ITGA9: variants seen among roughly 807,000 people sequenced by gnomAD.
ITGA9 encodes integrin subunit alpha 9.
A neutral mutation model predicts 127.8 loss-of-function variants in ITGA9; 56 were observed. That is an observed-to-expected ratio of 0.44 (90% CI 0.35 to 0.55). The LOEUF (loss-of-function observed/expected upper bound fraction) is 0.55, where lower values mean the gene tolerates loss of function less well. Among genes scored for constraint, ITGA9 ranks in the 20% least tolerant of loss-of-function variants. ITGA9 has a pLI of 0.00. For synonymous variants in ITGA9, 508 were observed against 514.5 expected (o/e 0.99, Z 0.17); for missense variants, 1,196 against 1,347.1 (o/e 0.89, Z 1.76).
chr3:37,515,517 C>T (rs1698975372), intron 9 of ITGA9, among the ~76,000 whole-genome samples: 1 of 152,136 alleles, frequency 6.6e-6, no homozygotes, highest in South Asian at 2.1e-4. Context: ...GTGGGAGGAT[C>T]ACTTGAAGCC....
intron 18 of ITGA9, among the ~76,000 whole-genome samples, chr3:37,710,444 C>T (rs1040552479): frequency 1.3e-5 from 2 of 151,964 alleles, no homozygotes; most frequent in Admixed American, 6.6e-5. Flanking sequence ...AAGATAACGT[C>T]GGAGGATGAA....
At chr3:37,601,885 G>A (rs1040935102) in intron 15 of ITGA9, among the ~76,000 whole-genome samples, 5 of 152,184 alleles carry the variant, frequency 3.3e-5, no homozygotes, top group Non-Finnish European at 7.3e-5. Flanking sequence ...CCAGGCATCC[G>A]CTTTGGGTGA....
At position 37,784,934 on chromosome 3, in the gene ITGA9, T is replaced by G. The variant is rs373377446; in HGVS notation, c.2788-43T>G. 6.6e-6 allele frequency: 10 copies of G among 1,517,352 alleles called. No homozygotes were observed. In the African/African-American group the frequency reaches 9.6e-5, roughly 15 times the overall value. 94.0% of individuals were successfully genotyped at this position (1,517,352 alleles called of 1,614,324 possible). A position where few individuals can be genotyped will look rare whatever the true frequency, so the allele number is the denominator to read the frequency against. On this transcript the variant is annotated intron_variant, in intron 25 of 27. Coordinates refer to ENST00000264741, the MANE Select transcript of ITGA9 (RefSeq NM_002207.3). ...AGTCCCTCTCAAGGCCCAGCCATTA[T>G]CATAGAAAAATCTTCAAGTAAGTTG... is the stretch of plus-strand genomic sequence containing the variant.
chr3:37,610,263 C>A (rs1289562699), intron 15 of ITGA9, among the ~76,000 whole-genome samples: 1 of 152,118 alleles, frequency 6.6e-6, no homozygotes, highest in South Asian at 2.1e-4. Flanking sequence ...TTGTATTTAC[C>A]CCAGAGGAAG....
chr3:37,622,825 A>C (rs1700140365), intron 15 of ITGA9, among the ~76,000 whole-genome samples: 3 of 151,100 alleles, frequency 2.0e-5, no homozygotes, highest in African/African-American at 4.9e-5. Context: ...ACAGAGTGAA[A>C]CTCTGTCAAA....
chr3:37,540,546 G>A (rs1248300804), intron 14 of ITGA9, among the ~76,000 whole-genome samples: 1 of 152,246 alleles, frequency 6.6e-6, no homozygotes, highest in South Asian at 2.1e-4. Context: ...GCAAGAACAA[G>A]TGTGGTGGGA....
At chr3:37,658,857 G>A (rs754484941) in intron 17 of ITGA9, among the ~76,000 whole-genome samples, 12 of 152,024 alleles carry the variant, frequency 7.9e-5, no homozygotes, top group South Asian at 2.1e-4. Context: ...TGCTTCCTTC[G>A]GGAGCTCTTG....
At chr3:37,751,069 G>A (rs1696579982) in intron 23 of ITGA9, among the ~76,000 whole-genome samples, 1 of 152,242 alleles carries the variant, frequency 6.6e-6, no homozygotes, top group Non-Finnish European at 1.5e-5. Context: ...GAGTTGAAGA[G>A]GACACAGCCC....
chr3:37,600,495 C>G (rs565586670), intron 15 of ITGA9, among the ~76,000 whole-genome samples: 10 of 152,184 alleles, frequency 6.6e-5, no homozygotes, highest in African/African-American at 1.2e-4. Context: ...CAAGCAGGCC[C>G]GGAGAAGGAA....
chr3:37,657,624 CAAAAA>C (rs139406617), intron 17 of ITGA9, among the ~76,000 whole-genome samples: 1 of 141,250 alleles, frequency 7.1e-6, no homozygotes, highest in Non-Finnish European at 1.5e-5. Flanking sequence ...TTGATCTTTT[CAAAAA>C]AAAAAACCAG....
chr3:37,536,163 G>A (rs1308252395), intron 14 of ITGA9, among the ~76,000 whole-genome samples: 1 of 152,230 alleles, frequency 6.6e-6, no homozygotes, highest in Non-Finnish European at 1.5e-5. Context: ...GCTCAGCAGA[G>A]GGTGCTGGCC....
intron 20 of ITGA9, among the ~76,000 whole-genome samples, chr3:37,737,525 C>G (rs1696377799): frequency 6.6e-6 from 1 of 152,216 alleles, no homozygotes; most frequent in African/African-American, 2.4e-5. Flanking sequence ...GTGGCAGCTT[C>G]TCCCCTCAGT....
chr3:37,728,844 G>A (rs1696249692), intron 18 of ITGA9, among the ~76,000 whole-genome samples: 1 of 151,668 alleles, frequency 6.6e-6, no homozygotes, highest in African/African-American at 2.4e-5. Context: ...GGGATTTATT[G>A]GGGCAAGAGG....
chr3:37,789,992 G>A (rs1160096134), intron 26 of ITGA9: 10 of 591,922 alleles, frequency 1.7e-5, no homozygotes, highest in Non-Finnish European at 2.7e-5. Flanking sequence ...TATTTAAGAA[G>A]GGAATTCACA....
At chr3:37,604,786 T>C (rs1001539983) in intron 15 of ITGA9, among the ~76,000 whole-genome samples, 8 of 152,198 alleles carry the variant, frequency 5.3e-5, no homozygotes, top group African/African-American at 1.4e-4. Context: ...ATTAATAGTT[T>C]CAGAAAGTTG....
At chr3:37,762,033 G>A (rs1348436017) in intron 23 of ITGA9, among the ~76,000 whole-genome samples, 2 of 152,242 alleles carry the variant, frequency 1.3e-5, no homozygotes, top group African/African-American at 4.8e-5. Context: ...CCTTGGGGCT[G>A]TGTTACCTAT....
chr3:37,778,884 T>G (rs376804246), intron 24 of ITGA9, among the ~76,000 whole-genome samples: 3,060 of 149,642 alleles, frequency 0.02, 44 homozygotes, highest in Middle Eastern at 0.038. Flanking sequence ...TTTTTTTTTT[T>G]TTTTTTTTTT....
rs144260393 is a variant in ITGA9 at position 37,622,988 on chromosome 3, T to C, written c.1690-6199T>C. On this transcript the variant is annotated intron_variant, in intron 15 of 27. Transcript: ENST00000264741. Reference sequence around the variant, plus strand: ...TGCACTGTGTCCTGTATGTCTGTTATGTTTATTTCTGAATTTTCCTTCCTT... The same window carrying C: ...TGCACTGTGTCCTGTATGTCTGTTACGTTTATTTCTGAATTTTCCTTCCTT... Among the ~76,000 whole-genome samples, 137 of 152,346 alleles carry C rather than the reference T, an allele frequency of 9.0e-4. 2 individuals are homozygous for C. The highest frequency in any genetic ancestry group is 2.9e-3 in the African/African-American group (122 of 41,580).
intron 26 of ITGA9, among the ~76,000 whole-genome samples, chr3:37,801,680 C>CA (rs932556905): frequency 5.3e-5 from 8 of 151,748 alleles, no homozygotes; most frequent in East Asian, 1.9e-4. Context: ...TGCACAACCT[C>CA]AAAAAAAACT....
Sources: allele counts gnomAD v4.1 joint callset (sites outside exome capture counted in the v4.1 genomes callset), GRCh38; gene constraint gnomAD v4.1.1; transcripts MANE v1.5; gene names NCBI Gene and HGNC (gene_info 2026-07-23, HGNC 2026-07-21).